Variants in BICDL1 observed in about 807,000 individuals in gnomAD.
The protein encoded by BICDL1 is BICD family like cargo adaptor 1.
Under a neutral mutation model 76.8 loss-of-function variants are expected in BICDL1, and 20 were observed. The observed-to-expected ratio is 0.26, with a 90% confidence interval of 0.18 to 0.38. BICDL1 has a LOEUF of 0.38. Among genes scored for constraint, BICDL1 ranks in the 10% least tolerant of loss-of-function variants. The pLI, the probability that BICDL1 is intolerant of heterozygous loss-of-function variation, is 1.00. For missense variants in BICDL1, 700 were observed against 798.6 expected (o/e 0.88, Z 1.49); for synonymous variants, 383 against 337.1 (o/e 1.14, Z -1.49).
chr12:120,015,407 T>G (rs1243431044), intron 2 of BICDL1, among the ~76,000 whole-genome samples: 1 of 152,140 alleles, frequency 6.6e-6, no homozygotes, highest in Non-Finnish European at 1.5e-5. Context: ...CGTTGGAATT[T>G]CCCCCAGTCC....
At chr12:120,021,018 T>C (rs1952168523) in intron 2 of BICDL1, among the ~76,000 whole-genome samples, 1 of 152,216 alleles carries the variant, frequency 6.6e-6, no homozygotes, top group Non-Finnish European at 1.5e-5. Flanking sequence ...TCGTGGTGTC[T>C]ACACCTGTAA....
intron 8 of BICDL1, among the ~76,000 whole-genome samples, chr12:120,081,415 G>A (rs1487783596): frequency 2.8e-5 from 4 of 144,796 alleles, no homozygotes; most frequent in African/African-American, 7.8e-5. Flanking sequence ...GCGATGGCGC[G>A]ATCTCAGCTC....
rs773453001 is a variant in BICDL1 at position 120,071,652 on chromosome 12, G to A, written c.940G>A (p.Val314Met). 2 of 1,611,094 alleles carry A rather than the reference G, an allele frequency of 1.2e-6. No homozygotes were observed. The highest frequency in any genetic ancestry group is 1.7e-6 in the Non-Finnish European group (2 of 1,179,038). The change falls in exon 5 of 10, where the codon GTG becomes ATG. Residue 314 changes from valine to methionine, a missense_variant. Around this residue, in one of 3 missense-constraint regions of BICDL1, gnomAD observed 455 missense variants for 548.7 expected, o/e 0.83. Coordinates refer to ENST00000548673, the MANE Select transcript of BICDL1 (RefSeq NM_001367886.1). This position sits in a 1 kb window ranked among gnomAD's most constrained non-coding sequence, Gnocchi z 4.8. ...CCAAAGCCAGCTGGAGCTTCAGGAG[G>A]TGCGTCTCTCCTGCCGACAGCTGCA... ...LHQSQLELQE[V>M]RLSCRQLQVK...
intron 7 of BICDL1, 115 bp downstream of exon 7, chr12:120,074,701 C>A: frequency 1.2e-6 from 1 of 847,172 alleles, no homozygotes; most frequent in Non-Finnish European, 1.4e-6. Context: ...TCTCCTTCAT[C>A]AGATCATCAA....
intron 2 of BICDL1, among the ~76,000 whole-genome samples, chr12:120,050,254 C>CTT (rs59718449): frequency 1.3e-4 from 19 of 144,294 alleles, no homozygotes; most frequent in African/African-American, 2.0e-4. Flanking sequence ...GATCTATTCT[C>CTT]TTTTTTTTTT....
chr12:120,055,568 A>C (rs1952955750), intron 2 of BICDL1, among the ~76,000 whole-genome samples: 1 of 152,204 alleles, frequency 6.6e-6, no homozygotes. Flanking sequence ...TTATAAAAAG[A>C]GTTTATTTCA....
chr12:120,054,732 T>G (rs1952939397), intron 2 of BICDL1, among the ~76,000 whole-genome samples: 3 of 151,896 alleles, frequency 2.0e-5, no homozygotes, highest in Admixed American at 6.6e-5. Flanking sequence ...CAAAAAAAAT[T>G]AGCCGGGCAT....
At chr12:120,040,887 A>T (rs1409038905) in intron 2 of BICDL1, among the ~76,000 whole-genome samples, 1 of 151,118 alleles carries the variant, frequency 6.6e-6, no homozygotes, top group Non-Finnish European at 1.5e-5. Flanking sequence ...AGCTTGGATT[A>T]CAGGCATGTG....
chr12:120,090,298 T>TCA, intron 9 of BICDL1: 1 of 494,606 alleles, frequency 2.0e-6, no homozygotes, highest in Non-Finnish European at 3.5e-6. Flanking sequence ...TGTCTGGAGA[T>TCA]GTAGTGATCT....
At chr12:120,033,098 C>T (rs1263458287) in intron 2 of BICDL1, among the ~76,000 whole-genome samples, 2 of 151,914 alleles carry the variant, frequency 1.3e-5, no homozygotes, top group Non-Finnish European at 2.9e-5. Flanking sequence ...TACTTTGTAA[C>T]CTGCTTTTTA....
At chr12:120,036,218 G>A (rs1156335297) in intron 2 of BICDL1, among the ~76,000 whole-genome samples, 1 of 152,228 alleles carries the variant, frequency 6.6e-6, no homozygotes, top group Non-Finnish European at 1.5e-5. Flanking sequence ...TGCTGGGTAT[G>A]TATATCTTTG....
intron 1 of BICDL1, chr12:119,992,953 A>ACCCCCCCCCCCTTCCC (rs542202685): frequency 1.4e-5 from 2 of 143,020 alleles, no homozygotes; most frequent in Admixed American, 7.0e-5. Context: ...CCTTTCTTCC[A>ACCCCCCCCCCCTTCCC]CCCCCCCACC....
At position 120,026,749 on chromosome 12, in the gene BICDL1, A is replaced by G. The variant is rs566043726; in HGVS notation, c.645+28013A>G. Among the ~76,000 whole-genome samples the G allele has an allele frequency of 3.3e-5, 5 of 152,340 alleles. No homozygotes were observed. In the East Asian group the frequency reaches 9.6e-4, roughly 29 times the overall value. Reference sequence around the variant, plus strand: ...AGCAGGAGTTTTCTGCTGCAGTGTCATAGGCTCTAGCTTGTCAGCCATCTT... The same window carrying G: ...AGCAGGAGTTTTCTGCTGCAGTGTCGTAGGCTCTAGCTTGTCAGCCATCTT... On this transcript the variant is annotated intron_variant, in intron 2 of 9. Coordinates refer to ENST00000548673, the MANE Select transcript of BICDL1 (RefSeq NM_001367886.1).
intron 2 of BICDL1, among the ~76,000 whole-genome samples, chr12:120,003,158 T>A (rs1462127538): frequency 8.8e-5 from 12 of 136,648 alleles, no homozygotes; most frequent in Admixed American, 1.5e-4. Context: ...ACCCCATCTT[T>A]AAAAAAAAAA....
chr12:119,995,942 T>C (rs1951635449), intron 1 of BICDL1, among the ~76,000 whole-genome samples: 1 of 150,086 alleles, frequency 6.7e-6, no homozygotes, highest in Non-Finnish European at 1.5e-5. Flanking sequence ...GCCGAGATCA[T>C]GCCACTGCAC....
intron 2 of BICDL1, among the ~76,000 whole-genome samples, chr12:120,035,993 CATTT>C (rs1952523506): frequency 1.3e-5 from 2 of 152,100 alleles, no homozygotes; most frequent in African/African-American, 4.8e-5. Context: ...TTTCACTTAA[CATTT>C]AGTTTTTACA....
intron 2 of BICDL1, among the ~76,000 whole-genome samples, chr12:120,023,417 C>CA (rs1952222861): frequency 6.6e-6 from 1 of 151,960 alleles, no homozygotes; most frequent in Non-Finnish European, 1.5e-5. Flanking sequence ...TAATAAAGAT[C>CA]AAAAAAGGCT....
At position 120,056,256 on chromosome 12, in the gene BICDL1, A is replaced by G. The variant is rs559029006; in HGVS notation, c.646-5454A>G. Among the ~76,000 whole-genome samples the G allele has an allele frequency of 2.6e-5, 4 of 152,340 alleles. No homozygotes were observed. In the East Asian group the frequency reaches 7.7e-4, roughly 29 times the overall value. On this transcript the variant is annotated intron_variant, in intron 2 of 9. Coordinates refer to ENST00000548673, the MANE Select transcript of BICDL1 (RefSeq NM_001367886.1). ...TCATAGAAAGAAACCTGAGTTTAAAATGGAAAGAAAAATGCTTTAACTAAA... is the reference window on the plus strand; with the variant it reads ...TCATAGAAAGAAACCTGAGTTTAAAGTGGAAAGAAAAATGCTTTAACTAAA...
At chr12:120,092,829 T>A in intron 9 of BICDL1, 171 bp from the exon 10 acceptor site, 1 of 985,424 alleles carries the variant, frequency 1.0e-6, no homozygotes, top group Non-Finnish European at 1.2e-6. Context: ...TGCGTGCGCC[T>A]GGTGTCTTGC....
Sources: gnomAD v4.1 joint callset for allele counts (sites outside exome capture counted in the v4.1 genomes callset) on GRCh38, gnomAD v4.1.1 for gene constraint, gnomAD v4.1.1 regional missense constraint, Gnocchi (gnomAD v3.1) non-coding constraint, MANE v1.5 for transcripts, NCBI Gene and HGNC (gene_info 2026-07-23, HGNC 2026-07-21) for gene names.